Variants in PRPF18 observed in about 807,000 individuals in gnomAD.
PRPF18 encodes the protein pre-mRNA-splicing factor 18.
In PRPF18, 38 loss-of-function variants were observed where a neutral mutation model predicts 46.5. That is an observed-to-expected ratio of 0.82 (90% CI 0.63 to 1.07). PRPF18 has a LOEUF of 1.07. Ranked by LOEUF, PRPF18 falls within the 50% of genes least tolerant of loss-of-function variation. PRPF18 has a pLI of 0.00. For missense variants in PRPF18, 263 were observed against 410.0 expected (o/e 0.64, Z 3.10); for synonymous variants, 152 against 146.7 (o/e 1.04, Z -0.26).
intron 4 of PRPF18, among the ~76,000 whole-genome samples, chr10:13,606,530 A>C (rs2080186515): frequency 6.6e-6 from 1 of 152,090 alleles, no homozygotes; most frequent in Non-Finnish European, 1.5e-5. Context: ...AGGTGAAGAG[A>C]TCGAGACCAT....
At chr10:13,648,884 C>T in the PRPF18 span, 5 of 152,278 alleles carry the variant, frequency 3.3e-5, no homozygotes, top group East Asian at 7.7e-4. Flanking sequence ...AACACTTAGC[C>T]AGTGTTTCCC....
intron 8 of PRPF18, 136 bp downstream of exon 8, chr10:13,614,222 C>T (rs189578359): frequency 4.8e-4 from 328 of 681,456 alleles, no homozygotes; most frequent in Non-Finnish European, 8.0e-5. Flanking sequence ...TAGTAAAAAG[C>T]GTTTTATTTT....
At chr10:13,610,778 A>G (rs1475968272) in intron 5 of PRPF18, among the ~76,000 whole-genome samples, 1 of 152,104 alleles carries the variant, frequency 6.6e-6, no homozygotes, top group Admixed American at 6.5e-5. Context: ...ATGTATATTT[A>G]ACTTGTCTAA....
At chr10:13,604,305 A>C (rs2080154762) in intron 3 of PRPF18, among the ~76,000 whole-genome samples, 1 of 152,180 alleles carries the variant, frequency 6.6e-6, no homozygotes, top group African/African-American at 2.4e-5. Context: ...TTATTTAAAA[A>C]ATTTGGACTA....
rs748887419 is a variant in PRPF18, at chr10:13,610,108, G to A, written c.433G>A (p.Gly145Ser). The change falls in exon 5 of 10, where the codon GGT becomes AGT. Residue 145 changes from glycine (G) to serine (S), a missense_variant. This residue lies in a region of PRPF18 where 155 missense variants were observed against 245.1 expected (regional missense o/e 0.63). Coordinates refer to ENST00000378572, the MANE Select transcript of PRPF18 (RefSeq NM_003675.4). ...GCAGTACCTCAATGAAATCGTCGGC[G>A]GTCAGGAGCCTGGAGAGGAAGACAC... ...DQQYLNEIVG[G>S]QEPGEEDTQN... is the part of the protein sequence containing the mutation. The A allele has an allele frequency of 4.3e-6, 7 of 1,613,814 alleles. No homozygotes were observed. Among genetic ancestry groups the A allele is most frequent in the Non-Finnish European group, 5.1e-6 (6 of 1,179,724 alleles).
Position 13,616,564 on chromosome 10 carries a change from T to C in PRPF18, c.948+11T>C, listed in dbSNP as rs754737632. 2.3e-5 allele frequency: 37 copies of C among 1,613,484 alleles called. 1 individual carries two copies. Among genetic ancestry groups the C allele is most frequent in the Admixed American group, 1.0e-4 (6 of 59,882 alleles). On this transcript the variant is annotated intron_variant, in intron 9 of 9. Transcript: ENST00000378572. ...CGGAAATATATTCAGGTAAGCAGTTTGGAGAGCCGGGAATTGCCCTGGAAG... is the reference window on the plus strand; with the variant it reads ...CGGAAATATATTCAGGTAAGCAGTTCGGAGAGCCGGGAATTGCCCTGGAAG...
chr10:13,600,290 C>T lies in PRPF18; in HGVS notation c.191C>T (p.Pro64Leu). The change falls in exon 3 of 10, where the codon CCA (proline) becomes CTA (leucine). Residue 64 changes from proline (P) to leucine (L), a missense_variant. This residue lies in a region of PRPF18 where 155 missense variants were observed against 245.1 expected (regional missense o/e 0.63). Transcript: ENST00000378572. ...CAGAAACCATTAACTTCATCGAATC[C>T]AGTGTTAGAACTTGAACTGGCAGAG... ...EDQKPLTSSNPVLELELAEEK... is the reference protein window; with the variant it reads ...EDQKPLTSSNLVLELELAEEK... The T allele has an allele frequency of 6.2e-7, 1 of 1,612,600 alleles. No homozygotes were observed. The highest frequency in any genetic ancestry group is 8.5e-7 in the Non-Finnish European group (1 of 1,179,358).
At chr10:13,612,823 G>C (rs1405128985) in intron 6 of PRPF18, among the ~76,000 whole-genome samples, 2 of 151,848 alleles carry the variant, frequency 1.3e-5, no homozygotes, top group African/African-American at 4.8e-5. Flanking sequence ...CAATTCTTCA[G>C]TTCTACAAAT....
intron 1 of PRPF18, among the ~76,000 whole-genome samples, chr10:13,589,562 C>G (rs930858135): frequency 2.0e-5 from 3 of 152,200 alleles, no homozygotes; most frequent in Non-Finnish European, 4.4e-5. Flanking sequence ...AAGGCTTTAG[C>G]AAATTTACCA....
chr10:13,605,517 G>A (rs1008591318), intron 3 of PRPF18, 114 bp from the exon 4 acceptor site: 8 of 1,121,630 alleles, frequency 7.1e-6, no homozygotes, highest in Admixed American at 3.5e-5. Flanking sequence ...GGGAGGCGGA[G>A]CTTGCAGTGA....
intron 4 of PRPF18, among the ~76,000 whole-genome samples, chr10:13,609,509 C>G (rs1335439452): frequency 6.6e-6 from 1 of 152,180 alleles, no homozygotes; most frequent in Non-Finnish European, 1.5e-5. Flanking sequence ...ATGAGGCTTC[C>G]ATTTTCATTA....
At position 13,600,340 on chromosome 10, in the gene PRPF18, A is replaced by G; in HGVS notation, c.241A>G (p.Arg81Gly). Residue 81 changes from arginine to glycine, a missense_variant, in exon 3 of 10, where the codon AGG becomes GGG. Arg to Gly is a moderately radical substitution (Grantham distance 125, BLOSUM62 -2). Coordinates refer to ENST00000378572, the MANE Select transcript of PRPF18 (RefSeq NM_003675.4). ...GGAAAAATTACCTATGACGCTTTCT[A>G]GGCAAGAGGTAAGTTTATTTGTGAT... Reference protein sequence around the residue: ...AEEKLPMTLSRQEVIRRLRER... With the variant: ...AEEKLPMTLSGQEVIRRLRER... 1 of 1,606,012 alleles carries G rather than the reference A, an allele frequency of 6.2e-7. No individual in the cohort carries two copies. The highest frequency in any genetic ancestry group is 8.5e-7 in the Non-Finnish European group (1 of 1,173,852).
At chr10:13,654,366 A>G in the PRPF18 span, 20 of 1,157,548 alleles carry the variant, frequency 1.7e-5, no homozygotes, top group South Asian at 2.2e-4. Flanking sequence ...CTGAACGTCT[A>G]TGACACTCTT....
chr10:13,588,166 C>G (rs2079904189), intron 1 of PRPF18, among the ~76,000 whole-genome samples: 1 of 152,060 alleles, frequency 6.6e-6, no homozygotes. Flanking sequence ...CCTGTAATCC[C>G]CACACTTTGG....
the PRPF18 span, among the ~76,000 whole-genome samples, chr10:13,650,520 C>CCTAT: frequency 2.0e-5 from 3 of 152,190 alleles, no homozygotes; most frequent in Non-Finnish European, 4.4e-5. Flanking sequence ...GGCTGTCAGC[C>CCTAT]CTATCTCCAT....
chr10:13,616,286 C>T, intron 8 of PRPF18, 112 bp from the exon 9 acceptor site: 1 of 1,162,856 alleles, frequency 8.6e-7, no homozygotes, highest in South Asian at 1.6e-5. Context: ...TTCCATGTGC[C>T]CAAAAGGTGG....
chr10:13,599,325 A>G (rs532667210), intron 2 of PRPF18, among the ~76,000 whole-genome samples: 19 of 152,336 alleles, frequency 1.2e-4, no homozygotes, highest in Admixed American at 9.8e-4. Context: ...ACTGTAAGCT[A>G]TAGAATCATG....
At chr10:13,594,460 T>C (rs2080007009) in intron 1 of PRPF18, among the ~76,000 whole-genome samples, 2 of 152,220 alleles carry the variant, frequency 1.3e-5, no homozygotes, top group Non-Finnish European at 1.5e-5. Flanking sequence ...TAAAGATCAG[T>C]TGCAATGTGG....
intron 3 of PRPF18, among the ~76,000 whole-genome samples, chr10:13,601,576 T>G (rs1456573603): frequency 6.6e-6 from 1 of 152,218 alleles, no homozygotes; most frequent in Non-Finnish European, 1.5e-5. Context: ...TTTTTTCCCT[T>G]TCACACAAAT....
Sources: allele counts gnomAD v4.1 joint callset (sites outside exome capture counted in the v4.1 genomes callset), GRCh38; gene constraint gnomAD v4.1.1; regional missense constraint gnomAD v4.1.1; transcripts MANE v1.5; gene names NCBI Gene and HGNC (gene_info 2026-07-23, HGNC 2026-07-21).